The following LRP1B variants were observed in gnomAD, a reference collection of about 807,000 sequenced individuals.
LRP1B encodes the protein low-density lipoprotein receptor-related protein 1B.
In LRP1B, 217 loss-of-function variants were observed where a neutral mutation model predicts 556.6. The observed-to-expected ratio is 0.39, with a 90% CI of 0.35 to 0.44. LRP1B has a LOEUF of 0.44. LRP1B is among the 20% of genes least tolerant of loss of function. LRP1B has a pLI of 1.00. For synonymous variants in LRP1B, 2,047 were observed against 1,865.8 expected (o/e 1.10, Z -2.50); for missense variants, 5,053 against 5,620.8 (o/e 0.90, Z 3.23).
chr2:140,691,108 C>T (rs933676971), intron 41 of LRP1B, among the ~76,000 whole-genome samples: 3 of 152,110 alleles, frequency 2.0e-5, no homozygotes, highest in African/African-American at 7.2e-5. Context: ...TTTTGAAACA[C>T]TCCTAAACAA....
chr2:141,178,148 T>C (rs1213846053), intron 7 of LRP1B, among the ~76,000 whole-genome samples: 3 of 152,044 alleles, frequency 2.0e-5, no homozygotes, highest in Non-Finnish European at 2.9e-5. Context: ...CAATAAACAG[T>C]TTATGAAATA....
intron 12 of LRP1B, among the ~76,000 whole-genome samples, chr2:141,017,919 T>C (rs1697952993): frequency 6.6e-6 from 1 of 151,544 alleles, no homozygotes. Context: ...ATCGATCACT[T>C]GAGTCCAGGC....
intron 2 of LRP1B, among the ~76,000 whole-genome samples, chr2:141,632,689 G>C (rs919581963): frequency 2.6e-5 from 4 of 151,662 alleles, no homozygotes; most frequent in Admixed American, 6.6e-5. Context: ...ATACCAAATG[G>C]GGTTGGCATA....
chr2:141,653,576 CAT>C (rs1689883217), intron 2 of LRP1B, among the ~76,000 whole-genome samples: 3 of 152,172 alleles, frequency 2.0e-5, no homozygotes, highest in Admixed American at 2.0e-4. Flanking sequence ...GCTCCACTAA[CAT>C]ATTCTAGTAT....
rs548171873 is a variant in LRP1B, at chr2:140,254,528, TTTTG to T, written c.13248-7370_13248-7367del. ...TAGTTCCAAGATTTCTTTTTTTGTT[TTTTG>T]TTTGTTTGTTTGTTTTGTTTGTTTG... On this transcript the variant is annotated intron_variant, in intron 86 of 90. Coordinates refer to ENST00000389484, the MANE Select transcript of LRP1B (RefSeq NM_018557.3). Among the ~76,000 whole-genome samples the T allele has an allele frequency of 1.3e-3, 192 of 152,116 alleles. 1 individual carries two copies. Among genetic ancestry groups the T allele is most frequent in the East Asian group, 2.1e-3 (11 of 5,158 alleles).
At chr2:140,356,869 A>G (rs1359692836) in intron 74 of LRP1B, among the ~76,000 whole-genome samples, 2 of 151,842 alleles carry the variant, frequency 1.3e-5, no homozygotes, top group Non-Finnish European at 2.9e-5. Context: ...TTAGGCATTT[A>G]TTGCTAACCT....
chr2:141,923,448 G>A (rs189766153), intron 1 of LRP1B, among the ~76,000 whole-genome samples: 6,316 of 50,966 alleles, frequency 0.12, 366 homozygotes, highest in African/African-American at 0.32. Context: ...ATATATATAT[G>A]TGTGTGTGTG....
intron 7 of LRP1B, among the ~76,000 whole-genome samples, chr2:141,172,831 T>C (rs1680565088): frequency 6.6e-6 from 1 of 151,944 alleles, no homozygotes; most frequent in Admixed American, 6.6e-5. Context: ...CCTCTGTGAG[T>C]AGTTACCTTT....
intron 7 of LRP1B, among the ~76,000 whole-genome samples, chr2:141,073,671 G>T (rs183953372): frequency 1.3e-4 from 20 of 152,014 alleles, no homozygotes; most frequent in African/African-American, 4.8e-4. Context: ...TTAAATTCCT[G>T]CTCTTTCTTT....
At position 140,850,144 on chromosome 2, in the gene LRP1B, C is replaced by T. The variant is rs1313928376; in HGVS notation, c.4897G>A (p.Ala1633Thr). ...TCTAACCCAGTTCCGTTAATAAAAGCTCGTTTAATGGTTTGTGTTTTAATA... is the reference window on the plus strand; with the variant it reads ...TCTAACCCAGTTCCGTTAATAAAAGTTCGTTTAATGGTTTGTGTTTTAATA... ...TDIKTQTIKR[A>T]FINGTGLETV... The change falls in exon 29 of 91, where the codon GCT (alanine) becomes ACT (threonine). Residue 1633 changes from alanine (A) to threonine (T), a missense_variant. Coordinates refer to ENST00000389484, the MANE Select transcript of LRP1B (RefSeq NM_018557.3). 1 of 1,613,496 alleles carries T rather than the reference C, an allele frequency of 6.2e-7. No homozygotes were observed. The highest frequency in any genetic ancestry group is 8.5e-7 in the Non-Finnish European group (1 of 1,179,692).
At chr2:141,203,582 G>T (rs1384272357) in intron 6 of LRP1B, among the ~76,000 whole-genome samples, 2 of 7,300 alleles carry the variant, frequency 2.7e-4, no homozygotes, top group Non-Finnish European at 1.6e-3. Context: ...ACACAATAAT[G>T]GGGGGGGAGG....
chr2:140,829,159 A>G (rs1259559223), intron 31 of LRP1B, among the ~76,000 whole-genome samples: 1 of 152,166 alleles, frequency 6.6e-6, no homozygotes, highest in Non-Finnish European at 1.5e-5. Context: ...AAAGGGAGAG[A>G]GAGAGACTGT....
At chr2:140,582,816 T>A (rs1009446538) in intron 43 of LRP1B, among the ~76,000 whole-genome samples, 1 of 152,164 alleles carries the variant, frequency 6.6e-6, no homozygotes, top group Non-Finnish European at 1.5e-5. Flanking sequence ...CGGACTAAGA[T>A]ACTGCAGCAT....
intron 77 of LRP1B, among the ~76,000 whole-genome samples, chr2:140,345,216 T>C (rs1681590109): frequency 6.6e-6 from 1 of 151,716 alleles, no homozygotes; most frequent in Non-Finnish European, 1.5e-5. Flanking sequence ...TCTAAATGAG[T>C]AGGAAATCAT....
At chr2:140,635,120 G>A (rs966218585) in intron 41 of LRP1B, among the ~76,000 whole-genome samples, 34 of 152,072 alleles carry the variant, frequency 2.2e-4, no homozygotes, top group South Asian at 6.2e-4. Flanking sequence ...AGGCTTAAGC[G>A]TCTGTTTTGA....
chr2:141,263,016 T>A (rs1262318094), intron 3 of LRP1B, among the ~76,000 whole-genome samples: 1 of 151,932 alleles, frequency 6.6e-6, no homozygotes, highest in Non-Finnish European at 1.5e-5. Flanking sequence ...GCCTTCTAAT[T>A]AAAAAATATG....
chr2:140,639,600 T>A (rs1277213053), intron 41 of LRP1B, among the ~76,000 whole-genome samples: 2 of 152,224 alleles, frequency 1.3e-5, no homozygotes, highest in African/African-American at 4.8e-5. Context: ...GGGTGATGCT[T>A]GAGCTATGCT....
intron 2 of LRP1B, among the ~76,000 whole-genome samples, chr2:141,607,745 A>G (rs867094085): frequency 7.2e-5 from 11 of 152,058 alleles, no homozygotes; most frequent in South Asian, 4.2e-4. Flanking sequence ...CAACATAGTG[A>G]GACCTCATCC....
At chr2:140,690,565 TG>T (rs2105397855) in intron 41 of LRP1B, among the ~76,000 whole-genome samples, 1 of 152,338 alleles carries the variant, frequency 6.6e-6, no homozygotes, top group Non-Finnish European at 1.5e-5. Context: ...GGACATCTTT[TG>T]AGATAGACTC....
Sources: allele counts gnomAD v4.1 joint callset (sites outside exome capture counted in the v4.1 genomes callset), GRCh38; gene constraint gnomAD v4.1.1; transcripts MANE v1.5; gene names NCBI Gene and HGNC (gene_info 2026-07-23, HGNC 2026-07-21).